NPAS3: variants seen among roughly 807,000 people sequenced by gnomAD.
NPAS3 encodes the protein neuronal PAS domain protein 3.
A neutral mutation model predicts 73.1 loss-of-function variants in NPAS3; 14 were observed. The observed-to-expected ratio is 0.19, with a 90% CI of 0.13 to 0.30. The LOEUF (loss-of-function observed/expected upper bound fraction) is 0.30, where lower values mean the gene tolerates loss of function less well. Among genes scored for constraint, NPAS3 ranks in the 10% least tolerant of loss-of-function variants. The pLI, the probability that NPAS3 is intolerant of heterozygous loss-of-function variation, is 1.00. For synonymous variants in NPAS3, 620 were observed against 541.5 expected, an observed-to-expected ratio of 1.14 and a Z score of -2.01; for missense variants, 1,096 against 1,250.0, an observed-to-expected ratio of 0.88 and a Z score of 1.86.
At chr14:33,743,308 T>A (rs954509216) in intron 7 of NPAS3, among the ~76,000 whole-genome samples, 2 of 152,242 alleles carry the variant, frequency 1.3e-5, no homozygotes, top group African/African-American at 4.8e-5. Context: ...TTAGCAGGCA[T>A]GTTTACAACA....
chr14:33,132,134 A>G (rs747964242), intron 2 of NPAS3, among the ~76,000 whole-genome samples: 15 of 152,154 alleles, frequency 9.9e-5, no homozygotes, highest in African/African-American at 3.6e-4. Flanking sequence ...GGAAGCAGAT[A>G]TGGAGGTTAC....
intron 2 of NPAS3, among the ~76,000 whole-genome samples, chr14:33,144,816 A>T (rs1380956421): frequency 6.6e-6 from 1 of 151,472 alleles, no homozygotes; most frequent in African/African-American, 2.4e-5. Context: ...CTGGTCTTGA[A>T]CTCCTGGCCT....
At chr14:33,692,920 T>TA in intron 6 of NPAS3, among the ~76,000 whole-genome samples, 1 of 138,412 alleles carries the variant, frequency 7.2e-6, no homozygotes, top group South Asian at 2.6e-4. Context: ...GTGCCCAGAA[T>TA]AACAACTGAA....
intron 5 of NPAS3, among the ~76,000 whole-genome samples, chr14:33,629,160 C>T (rs1386472364): frequency 1.3e-5 from 2 of 149,966 alleles, no homozygotes; most frequent in Non-Finnish European, 3.0e-5. Flanking sequence ...GCGTGAGCCC[C>T]GGAGGCGAAG....
intron 2 of NPAS3, among the ~76,000 whole-genome samples, chr14:33,102,903 T>G (rs1383114783): frequency 6.6e-6 from 1 of 152,156 alleles, no homozygotes; most frequent in African/African-American, 2.4e-5. Flanking sequence ...GTTCTCCACT[T>G]TTTTATTTGT....
intron 1 of NPAS3, among the ~76,000 whole-genome samples, chr14:33,043,375 A>G (rs2040406645): frequency 6.6e-6 from 1 of 152,176 alleles, no homozygotes; most frequent in African/African-American, 2.4e-5. Context: ...AAAACTGAAT[A>G]ATACAAGGTA....
At chr14:33,210,281 G>T (rs1042346017) in intron 2 of NPAS3, among the ~76,000 whole-genome samples, 3 of 152,102 alleles carry the variant, frequency 2.0e-5, no homozygotes, top group African/African-American at 7.2e-5. Context: ...CTCTTATCCA[G>T]CTTCATGGTA....
Position 32,986,050 on chromosome 14 carries a change from G to A in NPAS3, c.50+46684G>A, listed in dbSNP as rs180992290. Among the ~76,000 whole-genome samples the A allele has an allele frequency of 1.1e-4, 16 of 152,282 alleles. No homozygotes were observed. The East Asian group carries it at 3.1e-3, about 29-fold the overall frequency. ...ACATGGGCGCCGCTGTGAGGATTCT[G>A]AACTCTCCGTGCAGGAGAACACTGT... On this transcript the variant is annotated intron_variant, in intron 1 of 11. Coordinates refer to ENST00000356141, the Ensembl canonical transcript of NPAS3.
intron 5 of NPAS3, among the ~76,000 whole-genome samples, chr14:33,570,558 C>T (rs1199336972): frequency 6.6e-6 from 1 of 152,122 alleles, no homozygotes; most frequent in Non-Finnish European, 1.5e-5. Context: ...TTGACGTTGC[C>T]GGGTTTGCAA....
intron 3 of NPAS3, among the ~76,000 whole-genome samples, chr14:33,358,160 G>A (rs771883143): frequency 3.9e-5 from 6 of 152,282 alleles, no homozygotes; most frequent in South Asian, 2.1e-4. Context: ...TTAGTGACTC[G>A]GTTGCCCAGC....
chr14:33,169,296 G>A lies in NPAS3; in HGVS notation c.141-45886G>A, dbSNP rs953224231. Among the ~76,000 whole-genome samples, 6 of 152,138 alleles carry A rather than the reference G, an allele frequency of 3.9e-5. No homozygotes were observed. In the South Asian group the frequency reaches 6.2e-4, roughly 16 times the overall value. ...CCAAATTTCAGAGTGGGCCGGGCAC[G>A]ATGGCTCATGCCTGTAATCCCAGCA... On this transcript the variant is annotated intron_variant, in intron 2 of 11. Transcript: ENST00000356141.
intron 5 of NPAS3, among the ~76,000 whole-genome samples, chr14:33,577,914 C>A (rs189326789): frequency 6.6e-6 from 1 of 152,066 alleles, no homozygotes; most frequent in East Asian, 2.0e-4. Flanking sequence ...GCTAACGAAT[C>A]CTCCCCCCAA....
chr14:33,294,315 C>T (rs2140122699), intron 3 of NPAS3, among the ~76,000 whole-genome samples: 1 of 152,296 alleles, frequency 6.6e-6, no homozygotes, highest in Non-Finnish European at 1.5e-5. Context: ...GACATATTTA[C>T]CTTTTTCTGG....
Position 33,189,942 on chromosome 14 carries a change from T to TTTC in NPAS3, c.141-25235_141-25233dup, listed in dbSNP as rs1347862852. Among the ~76,000 whole-genome samples, 8 of 152,318 alleles carry TTTC rather than the reference T, an allele frequency of 5.3e-5. No individual in the cohort carries two copies. The East Asian group carries it at 1.5e-3, about 29-fold the overall frequency. On this transcript the variant is annotated intron_variant, in intron 2 of 11. Transcript: ENST00000356141. ...TTGTCAAATAGCCAAACCCAAACAT[T>TTTC]TTCTTCTCACAATCGGATGAGGGAT...
intron 3 of NPAS3, among the ~76,000 whole-genome samples, chr14:33,331,799 C>T (rs2043998021): frequency 6.6e-6 from 1 of 152,194 alleles, no homozygotes; most frequent in South Asian, 2.1e-4. Flanking sequence ...TTCTTGGTTA[C>T]ATCTGCATTT....
At chr14:33,717,343 G>T (rs1410913203) in intron 6 of NPAS3, among the ~76,000 whole-genome samples, 1 of 151,506 alleles carries the variant, frequency 6.6e-6, no homozygotes, top group African/African-American at 2.4e-5. Context: ...CCTTCTTTCT[G>T]AGAAGGGGCA....
chr14:33,200,877 C>T (rs1431551914), intron 2 of NPAS3, among the ~76,000 whole-genome samples: 1 of 152,184 alleles, frequency 6.6e-6, no homozygotes, highest in African/African-American at 2.4e-5. Flanking sequence ...AATCATCATG[C>T]TTGCACTGCT....
chr14:33,111,257 C>G (rs2042882891), intron 2 of NPAS3, among the ~76,000 whole-genome samples: 1 of 152,186 alleles, frequency 6.6e-6, no homozygotes, highest in South Asian at 2.1e-4. Context: ...ACAGCAGAGC[C>G]TAACAGGGAG....
intron 3 of NPAS3, among the ~76,000 whole-genome samples, chr14:33,305,656 C>T (rs1423605298): frequency 6.6e-6 from 1 of 151,966 alleles, no homozygotes; most frequent in Non-Finnish European, 1.5e-5. Flanking sequence ...ACAGCTGTAT[C>T]CAGGTTTTTG....
Sources: allele counts gnomAD v4.1 joint callset (sites outside exome capture counted in the v4.1 genomes callset), GRCh38; gene constraint gnomAD v4.1.1; transcripts MANE v1.5; gene names NCBI Gene and HGNC (gene_info 2026-07-23, HGNC 2026-07-21).